Variants in EPC1 observed in about 807,000 individuals in gnomAD.
EPC1 encodes the protein enhancer of polycomb 1.
In EPC1, 12 loss-of-function variants were observed where a neutral mutation model predicts 98.4. That is an observed-to-expected ratio of 0.12 (90% CI 0.08 to 0.20). The LOEUF (loss-of-function observed/expected upper bound fraction) is 0.20, where lower values mean the gene tolerates loss of function less well. EPC1 is among the 10% of genes least tolerant of loss of function. The pLI is 1.00. For synonymous variants in EPC1, 357 were observed against 363.9 expected (o/e 0.98, Z 0.21); for missense variants, 729 against 990.5 (o/e 0.74, Z 3.54).
At chr10:32,295,556 T>C (rs1835103036) in intron 2 of EPC1, among the ~76,000 whole-genome samples, 1 of 152,186 alleles carries the variant, frequency 6.6e-6, no homozygotes, top group Non-Finnish European at 1.5e-5. Context: ...TGATTTTCCA[T>C]CATCTCATTT....
chr10:32,313,813 G>A (rs181124216), intron 1 of EPC1, among the ~76,000 whole-genome samples: 17 of 152,152 alleles, frequency 1.1e-4, no homozygotes, highest in Non-Finnish European at 1.0e-4. Context: ...TTGAACCTGG[G>A]AGGCGGAGGC....
chr10:32,348,682 G>A (rs1839013326), upstream of EPC1, among the ~76,000 whole-genome samples: 1 of 152,230 alleles, frequency 6.6e-6, no homozygotes, highest in South Asian at 2.1e-4. Flanking sequence ...CATTCAATGA[G>A]TATTGAGGGT....
rs111359986 is a variant in EPC1, at chr10:32,335,015, T to G, written c.153+11748A>C. Among the ~76,000 whole-genome samples the G allele has an allele frequency of 2.6e-3, 394 of 152,316 alleles. 1 individual carries two copies. The highest frequency in any genetic ancestry group is 0.023 in the South Asian group (112 of 4,830). Reference sequence around the variant, plus strand: ...CAAAAATCCTTCATTGTGAAGATATTTATACAATTGTGCAGCAGGAATGAT... The same window carrying G: ...CAAAAATCCTTCATTGTGAAGATATGTATACAATTGTGCAGCAGGAATGAT... On this transcript the variant is annotated intron_variant, in intron 1 of 13. Coordinates refer to ENST00000319778, the MANE Select transcript of EPC1 (RefSeq NM_001272004.3).
chr10:32,293,350 G>T (rs1249746952), intron 3 of EPC1, among the ~76,000 whole-genome samples, 156 bp from the exon 4 acceptor site: 1 of 152,098 alleles, frequency 6.6e-6, no homozygotes, highest in African/African-American at 2.4e-5. Flanking sequence ...CTGAACTAGG[G>T]TGCTTTATAT....
At chr10:32,279,663 T>C (rs758704737) in intron 10 of EPC1, among the ~76,000 whole-genome samples, 5 of 152,176 alleles carry the variant, frequency 3.3e-5, no homozygotes, top group Non-Finnish European at 5.9e-5. Flanking sequence ...GGAATTCACA[T>C]ATTGAACATA....
upstream of EPC1, among the ~76,000 whole-genome samples, chr10:32,348,162 C>T (rs193016910): frequency 2.6e-5 from 4 of 152,314 alleles, no homozygotes; most frequent in East Asian, 7.7e-4. Flanking sequence ...ACCTGTCGTA[C>T]TCCCGCCAAA....
chr10:32,315,232 T>C (rs1836485124), intron 1 of EPC1, among the ~76,000 whole-genome samples: 1 of 152,204 alleles, frequency 6.6e-6, no homozygotes, highest in African/African-American at 2.4e-5. Flanking sequence ...CTCAGTATTT[T>C]ATAAAATACC....
intron 1 of EPC1, among the ~76,000 whole-genome samples, chr10:32,364,384 G>A (rs907436604): frequency 2.0e-5 from 3 of 151,976 alleles, no homozygotes; most frequent in Non-Finnish European, 4.4e-5. Context: ...ATTTTTTTAA[G>A]CCATGTGACA....
intron 1 of EPC1, among the ~76,000 whole-genome samples, chr10:32,311,351 A>T (rs1836219668): frequency 6.6e-6 from 1 of 152,072 alleles, no homozygotes; most frequent in East Asian, 1.9e-4. Context: ...AGAAAATACT[A>T]CAAAATATTG....
At position 32,287,262 on chromosome 10, in the gene EPC1, C is replaced by A; in HGVS notation, c.988G>T (p.Asp330Tyr). 6.2e-7 allele frequency: 1 copy of A among 1,613,914 alleles called. No individual in the cohort carries two copies. The change falls in exon 7 of 14, where the codon GAT becomes TAT. Residue 330 changes from aspartate (D) to tyrosine (Y), a missense_variant. This residue lies in a region of EPC1 where 390 missense variants were observed against 438.6 expected (regional missense o/e 0.89). Transcript: ENST00000319778. Reference protein sequence around the residue: ...EFKVNKQDKADLIRPKRKYEK... With the variant: ...EFKVNKQDKAYLIRPKRKYEK... ...TATTTCCGTTTCGGTCGGATAAGAT[C>A]GGCTTTATCTTGCTGCAACAAAGAC...
At chr10:32,357,503 C>T (rs1839312328) in intron 1 of EPC1, among the ~76,000 whole-genome samples, 1 of 152,148 alleles carries the variant, frequency 6.6e-6, no homozygotes, top group Non-Finnish European at 1.5e-5. Flanking sequence ...CTTTGTGGCC[C>T]AGGCTGCAGT....
At chr10:32,307,500 C>T (rs1835943917) in intron 1 of EPC1, among the ~76,000 whole-genome samples, 1 of 152,082 alleles carries the variant, frequency 6.6e-6, no homozygotes, top group South Asian at 2.1e-4. Flanking sequence ...TCAAATGTTG[C>T]TCTTCTTTGC....
At chr10:32,348,277 G>GTTGTT (rs10689216), upstream of EPC1, among the ~76,000 whole-genome samples, 5,172 of 152,200 alleles carry the variant, frequency 0.034, 277 homozygotes, top group African/African-American at 0.12. Flanking sequence ...TGTTGTTGTT[G>GTTGTT]TTAATAGGGA....
At chr10:32,338,418 A>G (rs374453841) in intron 1 of EPC1, among the ~76,000 whole-genome samples, 3 of 152,324 alleles carry the variant, frequency 2.0e-5, no homozygotes, top group African/African-American at 7.2e-5. Context: ...GGTAGCCAGA[A>G]TAATCTTGAA....
rs1293347661 is a variant in EPC1 at position 32,291,211 on chromosome 10, T to A, written c.927A>T (p.Gln309His). ...IPIIPITNSS[Q>H]FKHQEAMDVK... ...CATCCATTGCTTCCTGGTGTTTAAA[T>A]TGACTGCTATTAGTAATAGGGATGA... The change falls in exon 6 of 14, where the codon CAA becomes CAT. Residue 309 changes from glutamine to histidine, a missense_variant. Physicochemically the swap from Gln to His is conservative, Grantham distance 24. This residue lies in a region of EPC1 where 390 missense variants were observed against 438.6 expected (regional missense o/e 0.89). Coordinates refer to ENST00000319778, the MANE Select transcript of EPC1 (RefSeq NM_001272004.3). 3 of 1,613,898 alleles carry A rather than the reference T, an allele frequency of 1.9e-6. No individual in the cohort carries two copies. The highest frequency in any genetic ancestry group is 1.7e-5 in the Admixed American group (1 of 60,004).
intron 1 of EPC1, among the ~76,000 whole-genome samples, chr10:32,322,622 C>T (rs1836996491): frequency 6.6e-6 from 1 of 152,196 alleles, no homozygotes; most frequent in African/African-American, 2.4e-5. Context: ...TTATTACATA[C>T]ATTGTTTTAC....
chr10:32,355,063 C>T (rs1839232103), intron 1 of EPC1, among the ~76,000 whole-genome samples: 1 of 152,124 alleles, frequency 6.6e-6, no homozygotes, highest in African/African-American at 2.4e-5. Context: ...ATGTAATGCA[C>T]TTGAATCATC....
chr10:32,331,552 C>T (rs1393980603), intron 1 of EPC1, among the ~76,000 whole-genome samples: 1 of 151,592 alleles, frequency 6.6e-6, no homozygotes, highest in Non-Finnish European at 1.5e-5. Context: ...TAGATGACTT[C>T]TCCAGAACTT....
intron 2 of EPC1, among the ~76,000 whole-genome samples, chr10:32,297,368 G>A (rs528026730): frequency 8.2e-4 from 122 of 148,054 alleles, no homozygotes; most frequent in African/African-American, 2.9e-3. Context: ...TGCAACCTCC[G>A]CCTCTCGGGT....
Sources: allele counts gnomAD v4.1 joint callset (sites outside exome capture counted in the v4.1 genomes callset), GRCh38; gene constraint gnomAD v4.1.1; regional missense constraint gnomAD v4.1.1; transcripts MANE v1.5; gene names NCBI Gene and HGNC (gene_info 2026-07-23, HGNC 2026-07-21).